UBR3: variants seen among roughly 807,000 people sequenced by gnomAD.
UBR3 encodes the protein ubiquitin protein ligase E3 component n-recognin 3, also known as E3 ubiquitin-protein ligase UBR3.
A neutral mutation model predicts 243.2 loss-of-function variants in UBR3; 85 were observed. The ratio of observed to expected loss-of-function variants is 0.35; its 90% CI spans 0.29 to 0.42. The LOEUF (loss-of-function observed/expected upper bound fraction) is 0.42, where lower values mean the gene tolerates loss of function less well. Among genes scored for constraint, UBR3 ranks in the 10% least tolerant of loss-of-function variants. The pLI, the probability that UBR3 is intolerant of heterozygous loss-of-function variation, is 1.00. For missense variants in UBR3, 1,686 were observed against 2,300.8 expected (o/e 0.73, Z 5.47); for synonymous variants, 748 against 799.8 (o/e 0.94, Z 1.09).
chr2:169,859,748 C>T (rs1471771553), intron 1 of UBR3, among the ~76,000 whole-genome samples: 3 of 151,200 alleles, frequency 2.0e-5, no homozygotes, highest in Non-Finnish European at 2.9e-5. Flanking sequence ...TGGAGTTTCA[C>T]TTTTACTGCC....
rs756471536 is a variant in UBR3, at chr2:170,061,146, G to C, written c.4853G>C (p.Gly1618Ala). The change falls in exon 34 of 39, where the codon GGA becomes GCA. Residue 1618 changes from glycine (G) to alanine (A), a missense_variant. By Grantham distance (60) the Gly-to-Ala change is moderately conservative. Transcript: ENST00000272793. ...TTTGTGATAAGTGAACTATTTAAAGGAAAGTTATACCATGAAGAAGGAACT... is the reference window on the plus strand; with the variant it reads ...TTTGTGATAAGTGAACTATTTAAAGCAAAGTTATACCATGAAGAAGGAACT... ...LSFVISELFK[G>A]KLYHEEGTQE... 3.7e-6 allele frequency: 6 copies of C among 1,601,190 alleles called. No homozygotes were observed. The South Asian group carries it at 4.6e-5, about 12-fold the overall frequency.
At chr2:170,038,939 G>A (rs1315227524) in intron 31 of UBR3, among the ~76,000 whole-genome samples, 3 of 152,052 alleles carry the variant, frequency 2.0e-5, no homozygotes, top group African/African-American at 7.2e-5. Flanking sequence ...GGCCTGTTGA[G>A]CTGCCTGCCT....
chr2:169,888,085 T>C (rs1173551250), intron 5 of UBR3, among the ~76,000 whole-genome samples: 2 of 148,222 alleles, frequency 1.3e-5, no homozygotes, highest in Admixed American at 1.4e-4. Flanking sequence ...AGTTTTTTCT[T>C]TTTCTTTTTC....
intron 1 of UBR3, among the ~76,000 whole-genome samples, chr2:169,861,385 G>C (rs956138809): frequency 5.9e-5 from 9 of 152,168 alleles, no homozygotes; most frequent in Non-Finnish European, 1.0e-4. Context: ...CGAGGCGGGT[G>C]GATCACGAGG....
intron 24 of UBR3, among the ~76,000 whole-genome samples, chr2:169,980,085 C>T (rs2088647251): frequency 6.6e-6 from 1 of 152,116 alleles, no homozygotes; most frequent in African/African-American, 2.4e-5. Flanking sequence ...TGTGTATAAC[C>T]AGTGAATAAA....
At chr2:170,037,490 C>A (rs1367788685) in intron 31 of UBR3, among the ~76,000 whole-genome samples, 1 of 152,026 alleles carries the variant, frequency 6.6e-6, no homozygotes, top group Non-Finnish European at 1.5e-5. Flanking sequence ...TGGGTTCAAG[C>A]AATTCTTCTG....
At position 170,015,375 on chromosome 2, in the gene UBR3, TAA is replaced by T; in HGVS notation, c.4453+11_4453+12del. ...CAAAAGGTCTTGTTTAAGTAAGTAC[TAA>T]ATACTGCTAAATTTAAAAAAAATTC... On this transcript the variant is annotated intron_variant, in intron 30 of 38. Transcript: ENST00000272793. 1 of 1,583,448 alleles carries T rather than the reference TAA, an allele frequency of 6.3e-7. No individual in the cohort carries two copies. Among genetic ancestry groups the T allele is most frequent in the Non-Finnish European group, 8.6e-7 (1 of 1,165,814 alleles).
rs534594038 is a variant in UBR3, at chr2:169,886,224, A to T, written c.1039-4941A>T. Among the ~76,000 whole-genome samples, 18 of 152,308 alleles carry T rather than the reference A, an allele frequency of 1.2e-4. No homozygotes were observed. The East Asian group carries it at 2.9e-3, about 24-fold the overall frequency. ...GGTTTAATTTTAATTTGGTATCATA[A>T]ATTACATTAATGGTAAGGGTAGGGC... On this transcript the variant is annotated intron_variant, in intron 5 of 38. Coordinates refer to ENST00000272793, the MANE Select transcript of UBR3 (RefSeq NM_172070.4).
At chr2:170,053,259 AT>A (rs997876900) in intron 32 of UBR3, among the ~76,000 whole-genome samples, 50 of 152,318 alleles carry the variant, frequency 3.3e-4, no homozygotes, top group African/African-American at 1.2e-3. Flanking sequence ...TTTATGCCGA[AT>A]GTACCTGCTT....
intron 32 of UBR3, among the ~76,000 whole-genome samples, chr2:170,044,878 C>A (rs772392904): frequency 2.0e-5 from 3 of 152,066 alleles, no homozygotes; most frequent in African/African-American, 7.2e-5. Context: ...TTTTAAGAAG[C>A]CCTCTTAGAT....
At chr2:169,968,648 C>T (rs948473982) in intron 24 of UBR3, among the ~76,000 whole-genome samples, 1 of 152,142 alleles carries the variant, frequency 6.6e-6, no homozygotes, top group African/African-American at 2.4e-5. Flanking sequence ...TAACAATAAA[C>T]ATGGACACGC....
chr2:170,068,105 C>T (rs1330188059), intron 35 of UBR3, among the ~76,000 whole-genome samples: 1 of 151,886 alleles, frequency 6.6e-6, no homozygotes, highest in African/African-American at 2.4e-5. Flanking sequence ...AATGTAAACA[C>T]AATATACTGA....
At chr2:169,890,563 A>ATATATATATATATATATATGTGTG (rs1255881148) in intron 5 of UBR3, among the ~76,000 whole-genome samples, 5 of 83,888 alleles carry the variant, frequency 6.0e-5, no homozygotes, top group South Asian at 4.2e-4. Flanking sequence ...ATATATATAT[A>ATATATATATATATATATATGTGTG]TGTGTATATA....
intron 19 of UBR3, among the ~76,000 whole-genome samples, chr2:169,934,073 G>A (rs757053283): frequency 1.3e-5 from 2 of 152,068 alleles, no homozygotes; most frequent in Non-Finnish European, 2.9e-5. Flanking sequence ...AGCTCCTTGA[G>A]GGAATATATT....
chr2:169,963,939 G>T (rs565196507), intron 24 of UBR3, among the ~76,000 whole-genome samples: 3 of 152,060 alleles, frequency 2.0e-5, no homozygotes, highest in Non-Finnish European at 4.4e-5. Flanking sequence ...GAAGTAAGTT[G>T]CAGACCTTAC....
At chr2:169,930,296 C>T (rs10171444) in intron 18 of UBR3, among the ~76,000 whole-genome samples, 224 of 151,846 alleles carry the variant, frequency 1.5e-3, no homozygotes, top group African/African-American at 5.1e-3. Flanking sequence ...ACTGGGCATT[C>T]GGAGATTAGA....
intron 8 of UBR3, among the ~76,000 whole-genome samples, chr2:169,902,295 C>T (rs1188465014): frequency 6.6e-6 from 1 of 152,200 alleles, no homozygotes; most frequent in Non-Finnish European, 1.5e-5. Flanking sequence ...AGCCTCTTAT[C>T]TCTAGTTGTT....
intron 1 of UBR3, among the ~76,000 whole-genome samples, chr2:169,849,518 C>T (rs1332900843): frequency 6.6e-6 from 1 of 152,206 alleles, no homozygotes; most frequent in Non-Finnish European, 1.5e-5. Flanking sequence ...TGGTCTTGAA[C>T]TCTTGACCTC....
intron 27 of UBR3, among the ~76,000 whole-genome samples, chr2:170,002,767 C>T (rs2089760014): frequency 6.6e-6 from 1 of 152,154 alleles, no homozygotes; most frequent in East Asian, 1.9e-4. Context: ...AAACCTCTCC[C>T]ATTCAGAATC....
Sources: gnomAD v4.1 joint callset for allele counts (sites outside exome capture counted in the v4.1 genomes callset) on GRCh38, gnomAD v4.1.1 for gene constraint, MANE v1.5 for transcripts, NCBI Gene and HGNC (gene_info 2026-07-23, HGNC 2026-07-21) for gene names.